ARMC3: variants seen among roughly 807,000 people sequenced by gnomAD.
The protein encoded by ARMC3 is armadillo repeat-containing protein 3.
ARMC3 carries 74 observed loss-of-function variants against 90.3 expected under a neutral mutation model. The observed-to-expected ratio is 0.82, with a 90% CI of 0.68 to 0.99. The LOEUF (loss-of-function observed/expected upper bound fraction) is 0.99. Among genes scored for constraint, ARMC3 ranks in the 50% least tolerant of loss-of-function variants. ARMC3 has a pLI of 0.00. For synonymous variants in ARMC3, 334 were observed against 361.8 expected (o/e 0.92, Z 0.87); for missense variants, 958 against 1,042.8 (o/e 0.92, Z 1.12).
chr10:22,954,010 C>G (rs1016284210), intron 3 of ARMC3, among the ~76,000 whole-genome samples: 1 of 152,224 alleles, frequency 6.6e-6, no homozygotes, highest in Non-Finnish European at 1.5e-5. Flanking sequence ...CAGTTTCTCT[C>G]TACACTAGCT....
Position 23,003,342 on chromosome 10 carries a change from C to T in ARMC3, c.1659C>T (p.Ser553=). 6.2e-7 allele frequency: 1 copy of T among 1,613,158 alleles called. No homozygotes were observed. Among genetic ancestry groups the T allele is most frequent in the Non-Finnish European group, 8.5e-7 (1 of 1,179,624 alleles). ...ATAAGTTGCTCAATAACAATCTTTC[C>T]CTGAAATACAGCCAGACTGGCTATT... is the stretch of plus-strand genomic sequence containing the variant. ...AYNKLLNNNL[S]LKYSQTGYLS... The change falls in exon 13 of 19, where the codon TCC becomes TCT. Residue 553 remains serine (S), a synonymous_variant. Coordinates refer to ENST00000298032, the MANE Select transcript of ARMC3 (RefSeq NM_173081.5).
At chr10:22,985,684 T>C (rs1335022939) in intron 10 of ARMC3, among the ~76,000 whole-genome samples, 2 of 152,330 alleles carry the variant, frequency 1.3e-5, no homozygotes, top group Admixed American at 6.5e-5. Flanking sequence ...TCCAGGTATT[T>C]GAGTTATGGA....
At chr10:22,951,251 A>G (rs1004198429) in intron 3 of ARMC3, among the ~76,000 whole-genome samples, 2 of 152,138 alleles carry the variant, frequency 1.3e-5, no homozygotes, top group Non-Finnish European at 2.9e-5. Flanking sequence ...AATCTTAAAC[A>G]GTTATGTACC....
chr10:23,030,202 T>C (rs369578746), intron 16 of ARMC3, among the ~76,000 whole-genome samples: 4 of 152,316 alleles, frequency 2.6e-5, no homozygotes, highest in South Asian at 4.1e-4. Flanking sequence ...ACTTTACATA[T>C]GTATAAAATA....
intron 17 of ARMC3, among the ~76,000 whole-genome samples, chr10:23,031,949 T>C (rs2219798): frequency 0.013 from 1,906 of 152,174 alleles, 33 homozygotes; most frequent in African/African-American, 0.043. Flanking sequence ...CAAGAGGAAT[T>C]TCTTTAAAAT....
At chr10:22,962,218 C>A in intron 7 of ARMC3, 140 bp downstream of exon 7, 1 of 572,180 alleles carries the variant, frequency 1.7e-6, no homozygotes, top group Non-Finnish European at 2.7e-6. Context: ...TATTGGCCTG[C>A]TTAAATCAGG....
At chr10:22,981,292 A>C in intron 8 of ARMC3, 48 bp from the exon 9 acceptor site, 1 of 1,507,258 alleles carries the variant, frequency 6.6e-7, no homozygotes, top group South Asian at 1.3e-5. Context: ...AATACTTCGC[A>C]GTTTTTGCAT....
chr10:23,014,494 T>C (rs879692529), intron 16 of ARMC3: 19 of 1,014,984 alleles, frequency 1.9e-5, no homozygotes, highest in Non-Finnish European at 2.0e-5. Context: ...TGAAAAGCCA[T>C]TGGGAATATT....
In ARMC3 at chr10:23,003,412, C is replaced by T. The variant is rs764835622; in HGVS notation, c.1729C>T (p.Arg577Trp). 163 of 1,592,930 alleles carry T rather than the reference C, an allele frequency of 1.0e-4. No homozygotes were observed. The highest frequency in any genetic ancestry group is 1.4e-4 in the Non-Finnish European group (161 of 1,170,042). ...IINDGFYDYG[R>W]INPGTKLLPL... ...TAACGATGGATTCTATGATTATGGT[C>T]GGGTAAGTGACAGCATTTATTTGTA... The change falls in exon 13 of 19, where the codon CGG becomes TGG. Residue 577 changes from arginine (R) to tryptophan (W), a missense_variant and splice_region_variant. Arg to Trp is a moderately radical substitution (Grantham distance 101). Transcript: ENST00000298032.
chr10:23,025,477 T>A (rs1413625659), intron 16 of ARMC3, among the ~76,000 whole-genome samples: 16 of 152,110 alleles, frequency 1.1e-4, no homozygotes, highest in Admixed American at 9.8e-4. Flanking sequence ...GAAAATTGAA[T>A]GATGCACTTC....
At chr10:23,023,168 C>A (rs1158553364) in intron 16 of ARMC3, among the ~76,000 whole-genome samples, 1 of 152,144 alleles carries the variant, frequency 6.6e-6, no homozygotes, top group Non-Finnish European at 1.5e-5. Flanking sequence ...AAATACCTAT[C>A]CTTCACAGAG....
rs143889626 is a variant in ARMC3 at position 22,958,333 on chromosome 10, C to G, written c.293-737C>G. ...AATAATCAAATTGAATGTAAGCAAT[C>G]AAGATGTATTAATTAAAATAGGCTG... On this transcript the variant is annotated intron_variant, in intron 4 of 18. Coordinates refer to ENST00000298032, the MANE Select transcript of ARMC3 (RefSeq NM_173081.5). 1.8e-3 allele frequency among the ~76,000 whole-genome samples: 269 copies of G among 152,176 alleles called. 1 individual carries two copies. Among genetic ancestry groups the G allele is most frequent in the African/African-American group, 6.2e-3 (257 of 41,518 alleles).
rs1472570789 is a variant in ARMC3 at position 22,975,813 on chromosome 10, T to TGAA, written c.917-5527_917-5526insGAA. Among the ~76,000 whole-genome samples the TGAA allele has an allele frequency of 1.6e-4, 25 of 152,344 alleles. No homozygotes were observed. In the East Asian group the frequency reaches 4.8e-3, roughly 29 times the overall value. On this transcript the variant is annotated intron_variant, in intron 8 of 18. Transcript: ENST00000298032. Reference sequence around the variant, plus strand: ...AGGAAGCTAGTTTTTTCCACTATACTTTGGATTCTTGTTTTTGTTTCACTT... The same window carrying TGAA: ...AGGAAGCTAGTTTTTTCCACTATACTGAATTGGATTCTTGTTTTTGTTTCACTT...
intron 2 of ARMC3, among the ~76,000 whole-genome samples, chr10:22,932,384 G>C (rs1406351282): frequency 1.3e-5 from 2 of 152,180 alleles, no homozygotes; most frequent in Non-Finnish European, 2.9e-5. Context: ...TTAATCAAGT[G>C]AATTTTCAAA....
intron 5 of ARMC3, 41 bp downstream of exon 5, chr10:22,959,179 G>A (rs1835085466): frequency 6.6e-7 from 1 of 1,519,606 alleles, no homozygotes; most frequent in Non-Finnish European, 9.1e-7. Flanking sequence ...AATGGAACTG[G>A]TTTTTTACAC....
chr10:22,967,493 A>G (rs971787206), intron 7 of ARMC3, among the ~76,000 whole-genome samples: 21 of 152,180 alleles, frequency 1.4e-4, no homozygotes, highest in African/African-American at 5.1e-4. Flanking sequence ...AGGATGCAAA[A>G]TCCTTGGGTG....
In ARMC3 at chr10:23,037,156, T is replaced by A. The variant is rs982236736; in HGVS notation, c.2410-114T>A. ...CATCTTTCAGCCTCCTATCTAAACA[T>A]TTCTTTGCAAGACTTGTGTATTTCA... On this transcript the variant is annotated intron_variant, in intron 18 of 18. Transcript: ENST00000298032. 7 of 977,174 alleles carry A rather than the reference T, an allele frequency of 7.2e-6. No homozygotes were observed. The African/African-American group carries it at 9.7e-5, about 14-fold the overall frequency. 60.5% of individuals were successfully genotyped at this position (977,174 alleles called of 1,614,324 possible).
At chr10:22,957,597 T>C (rs190579592) in intron 4 of ARMC3, among the ~76,000 whole-genome samples, 1 of 152,140 alleles carries the variant, frequency 6.6e-6, no homozygotes, top group South Asian at 2.1e-4. Context: ...GGCCAGGCAC[T>C]GTGCTAAGTG....
At chr10:23,009,401 A>C (rs1837807692) in intron 16 of ARMC3, among the ~76,000 whole-genome samples, 1 of 152,074 alleles carries the variant, frequency 6.6e-6, no homozygotes, top group Admixed American at 6.5e-5. Flanking sequence ...CTGACCCTCC[A>C]TGGGAGAAGG....
Sources: gnomAD v4.1 joint callset for allele counts (sites outside exome capture counted in the v4.1 genomes callset) on GRCh38, gnomAD v4.1.1 for gene constraint, MANE v1.5 for transcripts, NCBI Gene and HGNC (gene_info 2026-07-23, HGNC 2026-07-21) for gene names.